SYN3: variants seen among roughly 807,000 people sequenced by gnomAD.
The protein encoded by SYN3 is synapsin III, also known as synapsin-3.
In SYN3, 35 loss-of-function variants were observed where a neutral mutation model predicts 65.8. The observed-to-expected ratio is 0.53, with a 90% CI of 0.41 to 0.70. The LOEUF (loss-of-function observed/expected upper bound fraction) is 0.70, where lower values mean the gene tolerates loss of function less well. Ranked by LOEUF, SYN3 falls within the 30% of genes least tolerant of loss-of-function variation. SYN3 has a pLI of 0.00. For missense variants in SYN3, 680 were observed against 749.0 expected (o/e 0.91, Z 1.08); for synonymous variants, 270 against 292.9 (o/e 0.92, Z 0.80).
At chr22:32,592,903 C>A (rs186461803) in intron 7 of SYN3, among the ~76,000 whole-genome samples, 54 of 152,254 alleles carry the variant, frequency 3.5e-4, no homozygotes, top group African/African-American at 1.3e-3. Flanking sequence ...TATAAAAGAA[C>A]AAAGGAGTGA....
At chr22:32,586,629 C>T (rs1258889495) in intron 7 of SYN3, among the ~76,000 whole-genome samples, 3 of 152,086 alleles carry the variant, frequency 2.0e-5, no homozygotes, top group Non-Finnish European at 4.4e-5. Flanking sequence ...GGTTTGAGAG[C>T]TGAAACCAGG....
At chr22:32,661,846 G>A (rs780099645) in intron 6 of SYN3, among the ~76,000 whole-genome samples, 1 of 152,208 alleles carries the variant, frequency 6.6e-6, no homozygotes, top group Non-Finnish European at 1.5e-5. Context: ...AAGAGGGGAC[G>A]TAAGTGGCTT....
chr22:32,619,517 C>T (rs1357278012), intron 6 of SYN3, among the ~76,000 whole-genome samples: 1 of 152,142 alleles, frequency 6.6e-6, no homozygotes, highest in Non-Finnish European at 1.5e-5. Context: ...AGGACAAACC[C>T]ATTTGAAATA....
At chr22:32,966,084 C>T (rs558911844) in intron 3 of SYN3, among the ~76,000 whole-genome samples, 2 of 152,284 alleles carry the variant, frequency 1.3e-5, no homozygotes, top group South Asian at 2.1e-4. Context: ...AAGATACTGT[C>T]CCTGTTCCCA....
intron 6 of SYN3, among the ~76,000 whole-genome samples, chr22:32,833,169 G>T (rs1379672972): frequency 6.6e-6 from 1 of 152,136 alleles, no homozygotes; most frequent in Non-Finnish European, 1.5e-5. Flanking sequence ...CTGATCGGTG[G>T]CTCCTGGGAA....
intron 6 of SYN3, among the ~76,000 whole-genome samples, chr22:32,669,553 A>G (rs1393185539): frequency 6.6e-6 from 1 of 152,238 alleles, no homozygotes; most frequent in Non-Finnish European, 1.5e-5. Flanking sequence ...TGGAGTAACC[A>G]CTAGAAAGAT....
In SYN3 at chr22:32,511,571, T is replaced by G. The variant is rs906344109; in HGVS notation, c.*2121A>C. ...GACATGCAGGGACTGTCCTATAACA[T>G]GGAACTCAGCCGAGCATGGAGACAG... On this transcript the variant is annotated 3_prime_UTR_variant, in exon 14 of 14. Coordinates refer to ENST00000358763, the MANE Select transcript of SYN3 (RefSeq NM_003490.4). 6.6e-6 allele frequency among the ~76,000 whole-genome samples: 1 copy of G among 152,178 alleles called. No individual in the cohort carries two copies. Among genetic ancestry groups the G allele is most frequent in the Middle Eastern group, 3.2e-3 (1 of 316 alleles).
intron 6 of SYN3, among the ~76,000 whole-genome samples, chr22:32,823,230 G>A (rs139052766): frequency 2.8e-3 from 433 of 152,258 alleles, no homozygotes; most frequent in African/African-American, 9.6e-3. Flanking sequence ...TCTGGCTCCT[G>A]GTGGGACTTG....
chr22:32,549,195 A>C (rs986335305), intron 7 of SYN3, among the ~76,000 whole-genome samples: 1 of 152,100 alleles, frequency 6.6e-6, no homozygotes, highest in African/African-American at 2.4e-5. Flanking sequence ...AATGAGGAGG[A>C]TCTACATACT....
At chr22:32,879,099 C>T (rs190241944) in intron 4 of SYN3, among the ~76,000 whole-genome samples, 7 of 152,032 alleles carry the variant, frequency 4.6e-5, no homozygotes, top group Admixed American at 3.3e-4. Context: ...ACTTTGAAAA[C>T]AGTCTTTGAA....
intron 6 of SYN3, among the ~76,000 whole-genome samples, chr22:32,717,453 G>T (rs2061054565): frequency 6.6e-6 from 1 of 152,194 alleles, no homozygotes; most frequent in Non-Finnish European, 1.5e-5. Flanking sequence ...AGCAGTGAGG[G>T]CTGTGCATGT....
At chr22:32,960,467 C>T (rs1330803678) in intron 3 of SYN3, among the ~76,000 whole-genome samples, 2 of 152,232 alleles carry the variant, frequency 1.3e-5, no homozygotes, top group African/African-American at 4.8e-5. Flanking sequence ...TTCCCTCTGT[C>T]TACGAACAAT....
At chr22:32,931,180 A>C in intron 4 of SYN3, 1 of 489,226 alleles carries the variant, frequency 2.0e-6, no homozygotes, top group Non-Finnish European at 3.7e-6. Flanking sequence ...CTCCAAGCCC[A>C]GGGCTCACTT....
intron 6 of SYN3, chr22:32,859,283 A>T: frequency 6.2e-7 from 1 of 1,614,164 alleles, no homozygotes; most frequent in Non-Finnish European, 8.5e-7. Flanking sequence ...CAGTCCAAAC[A>T]CTACGCCTGC....
At chr22:32,732,283 G>A (rs990939399) in intron 6 of SYN3, among the ~76,000 whole-genome samples, 1 of 152,178 alleles carries the variant, frequency 6.6e-6, no homozygotes, top group Non-Finnish European at 1.5e-5. Context: ...CACACAGCAA[G>A]CCTGCTGAAC....
In SYN3 at chr22:32,931,379, A is replaced by C; in HGVS notation, c.461+11T>G. 6.3e-7 allele frequency: 1 copy of C among 1,592,926 alleles called. No individual in the cohort carries two copies. The highest frequency in any genetic ancestry group is 8.6e-7 in the Non-Finnish European group (1 of 1,160,922). ...TTCTCAGAAGGTTCTGCATATTTTA[A>C]TCCTACTTACCTCACCACTTTGGTC... On this transcript the variant is annotated intron_variant, in intron 4 of 13. Coordinates refer to ENST00000358763, the MANE Select transcript of SYN3 (RefSeq NM_003490.4).
At chr22:32,530,651 T>A (rs1393912295) in intron 10 of SYN3, among the ~76,000 whole-genome samples, 2 of 151,638 alleles carry the variant, frequency 1.3e-5, no homozygotes, top group African/African-American at 4.8e-5. Context: ...AGCTGGGACT[T>A]GTAGGGATCT....
At chr22:32,513,849 G>T in intron 13 of SYN3, 25 bp from the exon 14 acceptor site, 2 of 1,613,868 alleles carry the variant, frequency 1.2e-6, no homozygotes, top group South Asian at 2.2e-5. Flanking sequence ...CAAGGGGGTT[G>T]AGGAAGACAA....
At chr22:32,921,380 AG>A (rs2050330015) in intron 4 of SYN3, among the ~76,000 whole-genome samples, 1 of 152,214 alleles carries the variant, frequency 6.6e-6, no homozygotes, top group South Asian at 2.1e-4. Context: ...CAGATTTTTA[AG>A]GGAGGGCAAC....
Sources: allele counts gnomAD v4.1 joint callset (sites outside exome capture counted in the v4.1 genomes callset), GRCh38; gene constraint gnomAD v4.1.1; transcripts MANE v1.5; gene names NCBI Gene and HGNC (gene_info 2026-07-23, HGNC 2026-07-21).